Variants in CBL observed in about 807,000 individuals in gnomAD.
CBL encodes the protein E3 ubiquitin-protein ligase CBL.
CBL carries 45 observed loss-of-function variants against 96.9 expected under a neutral mutation model. The observed-to-expected ratio is 0.46, with a 90% confidence interval of 0.37 to 0.60. The LOEUF (loss-of-function observed/expected upper bound fraction) is 0.60. CBL is among the 20% of genes least tolerant of loss of function. The probability of loss-of-function intolerance (pLI) is 0.00; values close to 1 mark genes in which losing one functional copy is unlikely to be tolerated. For synonymous variants in CBL, 420 were observed against 426.8 expected, an observed-to-expected ratio of 0.98 and a Z score of 0.20; for missense variants, 1,024 against 1,143.5, an observed-to-expected ratio of 0.90 and a Z score of 1.51.
chr11:119,260,705 G>A (rs1949747647), intron 2 of CBL, among the ~76,000 whole-genome samples: 1 of 151,982 alleles, frequency 6.6e-6, no homozygotes, highest in Non-Finnish European at 1.5e-5. Flanking sequence ...TCTCAAATCT[G>A]TCTTTATTTT....
intron 2 of CBL, among the ~76,000 whole-genome samples, chr11:119,262,241 T>C (rs1392620290): frequency 1.3e-5 from 2 of 152,050 alleles, no homozygotes; most frequent in Non-Finnish European, 2.9e-5. Context: ...AGAACTGTCA[T>C]GAAAAACAAG....
intron 2 of CBL, among the ~76,000 whole-genome samples, chr11:119,258,608 C>G (rs762183941): frequency 3.4e-4 from 52 of 152,152 alleles, no homozygotes; most frequent in Non-Finnish European, 6.0e-4. Context: ...TAGGTGGGGA[C>G]AGATCCAAAC....
chr11:119,290,569 G>A lies in CBL; in HGVS notation c.2036+2623G>A, dbSNP rs368602960. On this transcript the variant is annotated intron_variant, in intron 12 of 15. Transcript: ENST00000264033. ...CAGGAGGCGGAGGTTGCAGTGAGCCGAGATCTTGCCACTGCACTCCAGCCT... is the reference window on the plus strand; with the variant it reads ...CAGGAGGCGGAGGTTGCAGTGAGCCAAGATCTTGCCACTGCACTCCAGCCT... Among the ~76,000 whole-genome samples the A allele has an allele frequency of 9.8e-4, 145 of 148,170 alleles. No individual in the cohort carries two copies. In the East Asian group the frequency reaches 0.014, roughly 15 times the overall value.
intron 4 of CBL, among the ~76,000 whole-genome samples, 176 bp downstream of exon 4, chr11:119,274,200 ATGTG>A (rs912123675): frequency 6.6e-6 from 1 of 151,696 alleles, no homozygotes; most frequent in African/African-American, 2.4e-5. Flanking sequence ...AAATATATGT[ATGTG>A]TGTGTATGTA....
rs769333754 is a variant in CBL, at chr11:119,275,984, T to C, written c.870-13T>C. 5.0e-6 allele frequency: 8 copies of C among 1,613,940 alleles called. No homozygotes were observed. In the East Asian group the frequency reaches 1.6e-4, roughly 31 times the overall value. On this transcript the variant is annotated splice_polypyrimidine_tract_variant and intron_variant, in intron 5 of 15. Coordinates refer to ENST00000264033, the MANE Select transcript of CBL (RefSeq NM_005188.4). ...CATAATCTACTAAAGCTTCTGTTTA[T>C]GTCTGTTCATAGTTATATCTTCCGG...
chr11:119,305,074 C>T lies in CBL; in HGVS notation c.*5293C>T, dbSNP rs1252454018. ...AGCTTCTCAGAGAAGTGAGCAGAGA[C>T]TCCACAGACACCCTAAAAAGGCTTC... is the stretch of plus-strand genomic sequence containing the variant. On this transcript the variant is annotated 3_prime_UTR_variant, in exon 16 of 16. Transcript: ENST00000264033. 4.6e-6 allele frequency: 1 copy of T among 219,034 alleles called. No homozygotes were observed. The highest frequency in any genetic ancestry group is 9.2e-6 in the Non-Finnish European group (1 of 109,088). The allele number at this position is 219,034 out of a possible 1,614,324, so 13.6% of individuals were successfully genotyped here. A position where few individuals can be genotyped will look rare whatever the true frequency, so the allele number is the denominator to read the frequency against.
At chr11:119,290,425 C>CG (rs1950017498) in intron 12 of CBL, among the ~76,000 whole-genome samples, 1 of 150,552 alleles carries the variant, frequency 6.6e-6, no homozygotes, top group African/African-American at 2.4e-5. Context: ...GAGGCCAAGG[C>CG]GGGTGGATCA....
In CBL at chr11:119,258,653, G is replaced by A. The variant is rs1419259579; in HGVS notation, c.444-13082G>A. Among the ~76,000 whole-genome samples the A allele has an allele frequency of 3.3e-5, 5 of 152,070 alleles. No homozygotes were observed. In the East Asian group the frequency reaches 7.7e-4, roughly 23 times the overall value. On this transcript the variant is annotated intron_variant, in intron 2 of 15. Transcript: ENST00000264033. ...GATCTATGTATCTTTCTTTATACCTGTACCATACTGTTTTGGTTACTATAG... is the reference window on the plus strand; with the variant it reads ...GATCTATGTATCTTTCTTTATACCTATACCATACTGTTTTGGTTACTATAG...
intron 1 of CBL, among the ~76,000 whole-genome samples, chr11:119,214,168 C>T (rs1949339674): frequency 6.6e-6 from 1 of 151,776 alleles, no homozygotes; most frequent in Admixed American, 6.6e-5. Flanking sequence ...TGGTCTCAAA[C>T]TCCTGACCTT....
intron 9 of CBL, among the ~76,000 whole-genome samples, chr11:119,282,663 ACAGGG>A (rs1949946340): frequency 6.6e-6 from 1 of 152,206 alleles, no homozygotes; most frequent in South Asian, 2.1e-4. Flanking sequence ...AGATTTTGTA[ACAGGG>A]CAAATTGGGA....
rs1454216416 is a variant in CBL, at chr11:119,298,393, G to A, written c.2287G>A (p.Gly763Ser). Residue 763 changes from glycine (G) to serine (S), a missense_variant, in exon 15 of 16, where the codon GGT (glycine) becomes AGT (serine). Gly to Ser is a moderately conservative substitution (Grantham distance 56, BLOSUM62 0). Around this residue, in one of 4 missense-constraint regions of CBL, gnomAD observed 695 missense variants for 661.6 expected, o/e 1.05. Transcript: ENST00000264033. ...TTTGGCCGCAGCCCATGCCAACACTGGTCCCGAGGAGTCAGAAAATGAGGA... is the reference window on the plus strand; with the variant it reads ...TTTGGCCGCAGCCCATGCCAACACTAGTCCCGAGGAGTCAGAAAATGAGGA... ...GNLAAAHANTGPEESENEDDG... is the reference protein window; with the variant it reads ...GNLAAAHANTSPEESENEDDG... 1.9e-6 allele frequency: 3 copies of A among 1,614,048 alleles called. No homozygotes were observed. In the African/African-American group the frequency reaches 4.0e-5, roughly 22 times the overall value.
At chr11:119,231,565 G>A (rs1476434260) in intron 1 of CBL, among the ~76,000 whole-genome samples, 3 of 151,998 alleles carry the variant, frequency 2.0e-5, no homozygotes, top group African/African-American at 4.8e-5. Flanking sequence ...AAAATTAGCC[G>A]GGCATGGTGG....
At chr11:119,217,339 C>T (rs1949370644) in intron 1 of CBL, among the ~76,000 whole-genome samples, 1 of 152,168 alleles carries the variant, frequency 6.6e-6, no homozygotes, top group African/African-American at 2.4e-5. Context: ...TCTCGAACTG[C>T]TGACCTCAGG....
intron 12 of CBL, among the ~76,000 whole-genome samples, chr11:119,294,346 T>C (rs1950049261): frequency 6.6e-6 from 1 of 151,388 alleles, no homozygotes; most frequent in Non-Finnish European, 1.5e-5. Flanking sequence ...GGAGAAATGC[T>C]TGAATCTGGG....
Position 119,297,419 on chromosome 11 carries a change from C to T in CBL, c.2189C>T (p.Thr730Met), listed in dbSNP as rs376848406. 8.1e-6 allele frequency: 13 copies of T among 1,613,540 alleles called. No homozygotes were observed. The highest frequency in any genetic ancestry group is 1.7e-5 in the Admixed American group (1 of 59,990). The change falls in exon 14 of 16, where the codon ACG (threonine) becomes ATG (methionine). Residue 730 changes from threonine (T) to methionine (M), a missense_variant. Around this residue, in one of 4 missense-constraint regions of CBL, gnomAD observed 695 missense variants for 661.6 expected, o/e 1.05. Coordinates refer to ENST00000264033, the MANE Select transcript of CBL (RefSeq NM_005188.4). ...TGCGACCAGCAGATTGATAGCTGTA[C>T]GTATGAAGCAATGTATAATATTCAG... ...CDCDQQIDSC[T>M]YEAMYNIQSQ... is the part of the protein sequence containing the mutation.
intron 2 of CBL, among the ~76,000 whole-genome samples, chr11:119,240,079 G>A (rs2135271761): frequency 1.3e-5 from 2 of 152,166 alleles, no homozygotes; most frequent in Middle Eastern, 6.8e-3. Context: ...ATCACTTGAG[G>A]TCAGGAGTTG....
chr11:119,287,768 T>C lies in CBL; in HGVS notation c.1942-84T>C, dbSNP rs912862959. 7 of 884,664 alleles carry C rather than the reference T, an allele frequency of 7.9e-6. No homozygotes were observed. The African/African-American group carries it at 8.2e-5, about 10-fold the overall frequency. The allele number at this position is 884,664 out of a possible 1,614,324, so 54.8% of individuals were successfully genotyped here. On this transcript the variant is annotated intron_variant, in intron 11 of 15. Coordinates refer to ENST00000264033, the MANE Select transcript of CBL (RefSeq NM_005188.4). Reference sequence around the variant, plus strand: ...TTGAGAGTTAGGTTTGTATCTGTTATTGTTATTTTGAAAAGGTTCAATAAG... The same window carrying C: ...TTGAGAGTTAGGTTTGTATCTGTTACTGTTATTTTGAAAAGGTTCAATAAG...
At chr11:119,292,192 C>T (rs963187628) in intron 12 of CBL, among the ~76,000 whole-genome samples, 1 of 152,000 alleles carries the variant, frequency 6.6e-6, no homozygotes, top group African/African-American at 2.4e-5. Flanking sequence ...ACCAAACCTC[C>T]GTAAGTTTGG....
At chr11:119,299,414 T>G in intron 15 of CBL, 81 bp from the exon 16 acceptor site, 1 of 1,300,486 alleles carries the variant, frequency 7.7e-7, no homozygotes, top group South Asian at 1.2e-5. Context: ...AGTAATATCT[T>G]GATATTAGCA....
Sources: allele counts gnomAD v4.1 joint callset (sites outside exome capture counted in the v4.1 genomes callset), GRCh38; gene constraint gnomAD v4.1.1; regional missense constraint gnomAD v4.1.1; transcripts MANE v1.5; gene names NCBI Gene and HGNC (gene_info 2026-07-23, HGNC 2026-07-21).